Variants in PACS2 observed in about 807,000 individuals in gnomAD.
PACS2 encodes phosphofurin acidic cluster sorting protein 2.
In PACS2, 36 loss-of-function variants were observed where a neutral mutation model predicts 113.0. The observed-to-expected ratio is 0.32, with a 90% confidence interval of 0.24 to 0.42. The LOEUF (loss-of-function observed/expected upper bound fraction) is 0.42, where lower values mean the gene tolerates loss of function less well. Ranked by LOEUF, PACS2 falls within the 10% of genes least tolerant of loss-of-function variation. The pLI, the probability that PACS2 is intolerant of heterozygous loss-of-function variation, is 1.00. For missense variants in PACS2, 1,015 were observed against 1,239.5 expected (o/e 0.82, Z 2.72); for synonymous variants, 589 against 536.1 (o/e 1.10, Z -1.36).
At position 105,369,828 on chromosome 14, in the gene PACS2, G is replaced by A. The variant is rs782216998; in HGVS notation, c.742-13G>A. On this transcript the variant is annotated splice_polypyrimidine_tract_variant and intron_variant, in intron 7 of 24. Coordinates refer to ENST00000447393, the MANE Select transcript of PACS2 (RefSeq NM_001100913.3). ...CTGGCGGCGGCTCTGACTCTGCACC[G>A]CCTGTCTTGCAGCAACAGAACTTCA... 9.7e-5 allele frequency: 153 copies of A among 1,575,980 alleles called. No homozygotes were observed. The highest frequency in any genetic ancestry group is 1.8e-4 in the Admixed American group (10 of 56,648).
At chr14:105,360,884 C>T (rs1388648877) in intron 4 of PACS2, among the ~76,000 whole-genome samples, 5 of 152,112 alleles carry the variant, frequency 3.3e-5, no homozygotes, top group African/African-American at 7.2e-5. Flanking sequence ...GTTGTCACTC[C>T]GCAGTGTTCA....
chr14:105,337,090 C>T (rs1424208903), intron 1 of PACS2, among the ~76,000 whole-genome samples: 1 of 152,268 alleles, frequency 6.6e-6, no homozygotes, highest in East Asian at 1.9e-4. Context: ...TGGAATATTA[C>T]TTAGCCCTGA....
At chr14:105,384,094 A>G (rs1595160941) in intron 16 of PACS2, 1 of 484,950 alleles carries the variant, frequency 2.1e-6, no homozygotes, top group East Asian at 3.7e-5. Context: ...CTGCACGGTC[A>G]CATGTGCCCT....
chr14:105,350,257 G>C (rs1274872617), intron 2 of PACS2, among the ~76,000 whole-genome samples: 4 of 152,158 alleles, frequency 2.6e-5, no homozygotes, highest in African/African-American at 9.7e-5. Flanking sequence ...AGGGGTCAGG[G>C]TCTCATTGGG....
intron 8 of PACS2, among the ~76,000 whole-genome samples, chr14:105,374,172 C>T (rs1317323680): frequency 3.5e-5 from 5 of 143,844 alleles, no homozygotes; most frequent in African/African-American, 1.3e-4. Flanking sequence ...AAAAAAAAAA[C>T]TTGAAATGGA....
intron 19 of PACS2, among the ~76,000 whole-genome samples, chr14:105,387,789 G>GA (rs1390747076): frequency 1.3e-5 from 2 of 152,236 alleles, no homozygotes; most frequent in African/African-American, 4.8e-5. Context: ...GGCTCGGTGG[G>GA]GGGGTCTGGC....
intron 6 of PACS2, 145 bp downstream of exon 6, chr14:105,368,292 C>T: frequency 1.2e-6 from 1 of 811,668 alleles, no homozygotes. Context: ...CATCTCTCGT[C>T]TCCCGACCCC....
chr14:105,335,026 C>T (rs891470110), intron 1 of PACS2, among the ~76,000 whole-genome samples: 2 of 152,212 alleles, frequency 1.3e-5, no homozygotes, highest in Non-Finnish European at 2.9e-5. Flanking sequence ...TGGAATGGCC[C>T]CTGGGCCTTC....
chr14:105,394,889 T>TA lies in PACS2; in HGVS notation c.*217_*218insA, dbSNP rs1726996806. On this transcript the variant is annotated 3_prime_UTR_variant, in exon 25 of 25. Coordinates refer to ENST00000447393, the MANE Select transcript of PACS2 (RefSeq NM_001100913.3). ...TTAACCCGAACGTTCGGCCCGGGGC[T>TA]GGGAAGCCAGAAGGACGATGCTGAG... 9.4e-6 allele frequency: 5 copies of TA among 530,312 alleles called. No homozygotes were observed. The highest frequency in any genetic ancestry group is 1.9e-5 in the African/African-American group (1 of 52,122). The allele number at this position is 530,312 out of a possible 1,614,324, so 32.9% of individuals were successfully genotyped here.
At chr14:105,394,532 G>A in intron 24 of PACS2, 22 bp from the exon 25 acceptor site, 1 of 1,609,690 alleles carries the variant, frequency 6.2e-7, no homozygotes, top group Non-Finnish European at 8.5e-7. Flanking sequence ...GGGGCAGGCG[G>A]TCAGGCAGCC....
chr14:105,384,146 G>C, intron 16 of PACS2: 1 of 556,198 alleles, frequency 1.8e-6, no homozygotes, highest in South Asian at 2.0e-5. Flanking sequence ...TGGGACCTCA[G>C]CTCAGGGCTG....
At chr14:105,353,754 C>T (rs764097657) in intron 3 of PACS2, among the ~76,000 whole-genome samples, 2 of 151,960 alleles carry the variant, frequency 1.3e-5, no homozygotes, top group South Asian at 2.1e-4. Context: ...CCACCACGCC[C>T]GGCTATTTTT....
At chr14:105,332,780 C>A (rs920621472) in intron 1 of PACS2, among the ~76,000 whole-genome samples, 1 of 152,184 alleles carries the variant, frequency 6.6e-6, no homozygotes, top group Non-Finnish European at 1.5e-5. Flanking sequence ...CCTCTCCTGC[C>A]CCCAGGGGCC....
At chr14:105,369,064 G>A (rs914060892) in intron 7 of PACS2, among the ~76,000 whole-genome samples, 18 of 152,372 alleles carry the variant, frequency 1.2e-4, no homozygotes, top group East Asian at 1.9e-4. Flanking sequence ...GGACAGGCAC[G>A]GTTCCAGGGA....
intron 19 of PACS2, among the ~76,000 whole-genome samples, chr14:105,386,356 G>A (rs1555413574): frequency 6.6e-6 from 1 of 152,188 alleles, no homozygotes; most frequent in Non-Finnish European, 1.5e-5. Flanking sequence ...TCGAGCACCT[G>A]GGGCCAGCAG....
chr14:105,391,526 C>A lies in PACS2; in HGVS notation c.2120-105C>A. 3.8e-6 allele frequency: 3 copies of A among 796,490 alleles called. No individual in the cohort carries two copies. The South Asian group carries it at 5.2e-5, about 14-fold the overall frequency. The allele number at this position is 796,490 out of a possible 1,614,324, so 49.3% of individuals were successfully genotyped here. On this transcript the variant is annotated intron_variant, in intron 21 of 24. Coordinates refer to ENST00000447393, the MANE Select transcript of PACS2 (RefSeq NM_001100913.3). ...CCACTGGGGACTCCCACCCTGCCCA[C>A]CCCCAGGAGCTGCCTGGCCTGGCCA...
intron 1 of PACS2, among the ~76,000 whole-genome samples, chr14:105,304,391 G>A (rs2058119701): frequency 6.6e-6 from 1 of 152,210 alleles, no homozygotes; most frequent in South Asian, 2.1e-4. Context: ...GGGAGGCTGA[G>A]GCAGGAGAAT....
chr14:105,394,613 T>G lies in PACS2; in HGVS notation c.2656T>G (p.Ser886Ala). 6.2e-7 allele frequency: 1 copy of G among 1,613,346 alleles called. No individual in the cohort carries two copies. The highest frequency in any genetic ancestry group is 8.5e-7 in the Non-Finnish European group (1 of 1,179,944). Reference sequence around the variant, plus strand: ...GTTCTTCCAGCTGGCCGCGCAGTGGTCCTCGCACGTGAAGCACTTCCCCAT... The same window carrying G: ...GTTCTTCCAGCTGGCCGCGCAGTGGGCCTCGCACGTGAAGCACTTCCCCAT... ...VKFFQLAAQW[S>A]SHVKHFPICI... Residue 886 changes from serine (S) to alanine (A), a missense_variant, in exon 25 of 25, where the codon TCC becomes GCC. Coordinates refer to ENST00000447393, the MANE Select transcript of PACS2 (RefSeq NM_001100913.3).
chr14:105,386,879 G>T (rs2081193831), intron 19 of PACS2, among the ~76,000 whole-genome samples: 1 of 152,200 alleles, frequency 6.6e-6, no homozygotes, highest in Admixed American at 6.5e-5. Flanking sequence ...ACCCCCAGCA[G>T]CCTCCGCCCT....
Sources: gnomAD v4.1 joint callset for allele counts (sites outside exome capture counted in the v4.1 genomes callset) on GRCh38, gnomAD v4.1.1 for gene constraint, MANE v1.5 for transcripts, NCBI Gene and HGNC (gene_info 2026-07-23, HGNC 2026-07-21) for gene names.